THEMIS: variants seen among roughly 807,000 people sequenced by gnomAD.
THEMIS encodes thymocyte selection associated, also known as protein THEMIS.
In THEMIS, 37 loss-of-function variants were observed where a neutral mutation model predicts 52.6. That is an observed-to-expected ratio of 0.70 (90% confidence interval 0.54 to 0.93). THEMIS has a LOEUF of 0.93. Ranked by LOEUF, THEMIS falls within the 40% of genes least tolerant of loss-of-function variation. THEMIS has a pLI of 0.00. For synonymous variants in THEMIS, 292 were observed against 272.7 expected (o/e 1.07, Z -0.70); for missense variants, 808 against 763.1 (o/e 1.06, Z -0.69).
chr6:127,812,986 T>C lies in THEMIS; in HGVS notation c.1655A>G (p.His552Arg). 1 of 1,614,110 alleles carries C rather than the reference T, an allele frequency of 6.2e-7. No individual in the cohort carries two copies. The highest frequency in any genetic ancestry group is 8.5e-7 in the Non-Finnish European group (1 of 1,180,028). Reference protein sequence around the residue: ...MMRRYESSASHPPPRPPKHPS... With the variant: ...MMRRYESSASRPPPRPPKHPS... ...GTGTTTCGGAGGGCGAGGTGGGGGA[T>C]GTGAGGCTGAGCTTTCATATCTCCG... is the stretch of plus-strand genomic sequence containing the variant. The change falls in exon 4 of 6, where the codon CAT becomes CGT. Residue 552 changes from histidine (H) to arginine (R), a missense_variant. Transcript: ENST00000368248.
At chr6:127,917,702 C>T (rs894445051) in intron 1 of THEMIS, among the ~76,000 whole-genome samples, 1 of 152,184 alleles carries the variant, frequency 6.6e-6, no homozygotes, top group African/African-American at 2.4e-5. Context: ...GAGACCAACA[C>T]CTGAAACAAG....
chr6:127,825,740 A>T (rs1217137303), intron 3 of THEMIS, among the ~76,000 whole-genome samples: 1 of 152,184 alleles, frequency 6.6e-6, no homozygotes, highest in Non-Finnish European at 1.5e-5. Context: ...ACAAAGGAAT[A>T]CATTCAGGAA....
chr6:127,815,298 C>A (rs61481889), intron 3 of THEMIS, among the ~76,000 whole-genome samples: 2,578 of 152,146 alleles, frequency 0.017, 77 homozygotes, highest in African/African-American at 0.059. Flanking sequence ...TCCAGCCACC[C>A]TTCCGTCATT....
intron 2 of THEMIS, among the ~76,000 whole-genome samples, chr6:127,838,925 T>A (rs1225237952): frequency 6.6e-6 from 1 of 152,114 alleles, no homozygotes; most frequent in Non-Finnish European, 1.5e-5. Context: ...GTAAAAGTAA[T>A]TTATTGATGC....
At chr6:127,862,450 T>TTTTTTTTTTTTTTTG in intron 1 of THEMIS, among the ~76,000 whole-genome samples, 1 of 132,528 alleles carries the variant, frequency 7.5e-6, no homozygotes, top group East Asian at 2.4e-4. Context: ...TTTTTTTTTT[T>TTTTTTTTTTTTTTTG]GCTCTGTTGC....
At chr6:127,767,337 C>T (rs547301427) in intron 4 of THEMIS, among the ~76,000 whole-genome samples, 51 of 152,270 alleles carry the variant, frequency 3.3e-4, no homozygotes, top group African/African-American at 1.2e-3. Context: ...AGTGATCTGC[C>T]AGCCTTGGCC....
chr6:127,700,746 T>G, the THEMIS span, among the ~76,000 whole-genome samples: 2 of 152,014 alleles, frequency 1.3e-5, no homozygotes, highest in Admixed American at 1.3e-4. Flanking sequence ...TAATATGTAT[T>G]TTATGGGAGG....
chr6:127,802,571 G>A (rs1422495145), intron 4 of THEMIS, among the ~76,000 whole-genome samples: 1 of 152,178 alleles, frequency 6.6e-6, no homozygotes, highest in African/African-American at 2.4e-5. Context: ...TTGATAGGAA[G>A]CCTACTGCAT....
chr6:127,817,966 C>T (rs1778194099), intron 3 of THEMIS, among the ~76,000 whole-genome samples: 2 of 152,102 alleles, frequency 1.3e-5, no homozygotes, highest in Non-Finnish European at 2.9e-5. Flanking sequence ...TGAAACATAC[C>T]CAGAGCATTC....
chr6:127,730,552 A>G (rs943748196), intron 4 of THEMIS, among the ~76,000 whole-genome samples: 38 of 152,096 alleles, frequency 2.5e-4, no homozygotes, highest in African/African-American at 7.5e-4. Context: ...GGAAGATTTG[A>G]GATAATATAT....
At chr6:127,798,729 G>A (rs558895822) in intron 4 of THEMIS, among the ~76,000 whole-genome samples, 283 of 152,248 alleles carry the variant, frequency 1.9e-3, no homozygotes, top group African/African-American at 6.5e-3. Context: ...GGTGGCTCAC[G>A]CCTGTAATCC....
At chr6:127,867,489 T>A (rs1449661396) in intron 1 of THEMIS, among the ~76,000 whole-genome samples, 2 of 152,080 alleles carry the variant, frequency 1.3e-5, no homozygotes, top group Non-Finnish European at 2.9e-5. Flanking sequence ...TACCATCAAG[T>A]CTGAATTTCA....
Position 127,709,883 on chromosome 6 carries a change from C to T in THEMIS, c.*102G>A, listed in dbSNP as rs1218198686. On this transcript the variant is annotated 3_prime_UTR_variant, in exon 6 of 6. Transcript: ENST00000368248. ...TTTGCAGCGATGAATCAAGTTTCTT[C>T]TGGAGTCCATTGGGGAATACTCGTT... 2 of 987,840 alleles carry T rather than the reference C, an allele frequency of 2.0e-6. No individual in the cohort carries two copies. The highest frequency in any genetic ancestry group is 3.0e-6 in the Non-Finnish European group (2 of 662,790). 61.2% of individuals were successfully genotyped at this position (987,840 alleles called of 1,614,324 possible). A position where few individuals can be genotyped will look rare whatever the true frequency, so the allele number is the denominator to read the frequency against.
At chr6:127,791,845 G>A (rs550057544) in intron 4 of THEMIS, among the ~76,000 whole-genome samples, 2 of 152,290 alleles carry the variant, frequency 1.3e-5, no homozygotes, top group African/African-American at 2.4e-5. Context: ...ACACCCAGCC[G>A]AGTCGTGACA....
intron 4 of THEMIS, among the ~76,000 whole-genome samples, chr6:127,787,842 T>G (rs199914786): frequency 2.9e-4 from 29 of 98,322 alleles, no homozygotes; most frequent in African/African-American, 8.0e-4. Flanking sequence ...TAGATAGAGA[T>G]AGACAGATAT....
chr6:127,886,577 T>A (rs1780651941), intron 1 of THEMIS, among the ~76,000 whole-genome samples: 1 of 152,080 alleles, frequency 6.6e-6, no homozygotes, highest in Non-Finnish European at 1.5e-5. Flanking sequence ...AAGTCTGACA[T>A]TTGTAGGGGC....
intron 4 of THEMIS, among the ~76,000 whole-genome samples, chr6:127,730,457 GAA>G (rs1487483793): frequency 1.1e-4 from 15 of 142,620 alleles, no homozygotes; most frequent in African/African-American, 3.9e-4. Flanking sequence ...ACGAAAGAAA[GAA>G]AGAAAGAGAA....
chr6:127,760,773 T>C (rs1454118447), intron 4 of THEMIS, among the ~76,000 whole-genome samples: 1 of 152,030 alleles, frequency 6.6e-6, no homozygotes, highest in Non-Finnish European at 1.5e-5. Context: ...TGAGACCCTG[T>C]CTCTTAAAAG....
upstream of THEMIS, among the ~76,000 whole-genome samples, chr6:127,903,266 C>T (rs994278597): frequency 1.1e-4 from 16 of 151,930 alleles, no homozygotes; most frequent in Non-Finnish European, 7.4e-5. Context: ...GCAAAAAAAT[C>T]CTGATGTGAG....
Sources: allele counts gnomAD v4.1 joint callset (sites outside exome capture counted in the v4.1 genomes callset), GRCh38; gene constraint gnomAD v4.1.1; transcripts MANE v1.5; gene names NCBI Gene and HGNC (gene_info 2026-07-23, HGNC 2026-07-21).